CUBN: variants seen among roughly 807,000 people sequenced by gnomAD.
CUBN encodes the protein 460 kDa receptor.
A neutral mutation model predicts 405.3 loss-of-function variants in CUBN; 282 were observed. That is an observed-to-expected ratio of 0.70 (90% CI 0.63 to 0.77). CUBN has a LOEUF of 0.77. Among genes scored for constraint, CUBN ranks in the 30% least tolerant of loss-of-function variants. The pLI, the probability that CUBN is intolerant of heterozygous loss-of-function variation, is 0.00. For synonymous variants in CUBN, 1,684 were observed against 1,617.0 expected (o/e 1.04, Z -0.99); for missense variants, 4,514 against 4,475.2 (o/e 1.01, Z -0.25).
At chr10:16,907,070 A>G (rs1369961769) in intron 49 of CUBN, among the ~76,000 whole-genome samples, 3 of 152,324 alleles carry the variant, frequency 2.0e-5, no homozygotes, top group Admixed American at 6.5e-5. Context: ...CAAACCTCCC[A>G]TTTATTTTCA....
chr10:17,117,701 A>G (rs1439295859), intron 6 of CUBN, among the ~76,000 whole-genome samples: 1 of 152,158 alleles, frequency 6.6e-6, no homozygotes, highest in Non-Finnish European at 1.5e-5. Context: ...AAGTCCTGGG[A>G]TTACAGGCGT....
chr10:17,029,521 G>A (rs186331146), intron 27 of CUBN, among the ~76,000 whole-genome samples: 13 of 152,250 alleles, frequency 8.5e-5, no homozygotes, highest in East Asian at 1.9e-4. Context: ...TGCTTAGTAC[G>A]GTGCTAGACT....
At chr10:16,995,786 C>A (rs1833716371) in intron 28 of CUBN, among the ~76,000 whole-genome samples, 1 of 152,078 alleles carries the variant, frequency 6.6e-6, no homozygotes, top group Admixed American at 6.5e-5. Context: ...AAAAGACAAT[C>A]CATATTTTTA....
intron 36 of CUBN, 82 bp downstream of exon 36, chr10:16,947,153 A>C: frequency 7.1e-7 from 1 of 1,406,926 alleles, no homozygotes; most frequent in East Asian, 2.3e-5. Context: ...GTACACTATG[A>C]GTTGCCCATC....
At chr10:17,095,851 A>C (rs1836363012) in intron 14 of CUBN, among the ~76,000 whole-genome samples, 1 of 152,132 alleles carries the variant, frequency 6.6e-6, no homozygotes, top group Non-Finnish European at 1.5e-5. Context: ...CAAGATATGG[A>C]ATCAATCTAA....
chr10:17,069,105 G>A (rs895832275), intron 19 of CUBN, among the ~76,000 whole-genome samples: 4 of 152,128 alleles, frequency 2.6e-5, no homozygotes, highest in East Asian at 1.9e-4. Context: ...GTTCATCCAC[G>A]TTGTAGCATG....
rs1367838432 is a variant in CUBN at position 16,917,039 on chromosome 10, C to T, written c.7001-1009G>A. Among the ~76,000 whole-genome samples the T allele has an allele frequency of 5.3e-5, 8 of 152,076 alleles. No homozygotes were observed. In the South Asian group the frequency reaches 8.3e-4, roughly 16 times the overall value. ...ATCTTGGCCAGGCTGGTCTTGAACTCCTGACCTCGTGATCCACCTGCCTTA... is the reference window on the plus strand; with the variant it reads ...ATCTTGGCCAGGCTGGTCTTGAACTTCTGACCTCGTGATCCACCTGCCTTA... On this transcript the variant is annotated intron_variant, in intron 45 of 66. Transcript: ENST00000377833.
At chr10:17,022,883 G>C (rs1834534916) in intron 27 of CUBN, among the ~76,000 whole-genome samples, 1 of 152,180 alleles carries the variant, frequency 6.6e-6, no homozygotes, top group Non-Finnish European at 1.5e-5. Context: ...CTGAGCCCAG[G>C]CTAAGTCATC....
At chr10:16,829,858 G>A (rs113435118) in intron 65 of CUBN, among the ~76,000 whole-genome samples, 41 of 151,496 alleles carry the variant, frequency 2.7e-4, no homozygotes, top group African/African-American at 9.5e-4. Flanking sequence ...GTCTTGCTCT[G>A]TCGCCCAGGC....
intron 17 of CUBN, among the ~76,000 whole-genome samples, chr10:17,076,100 A>G (rs756246402): frequency 5.3e-5 from 8 of 152,204 alleles, no homozygotes; most frequent in Non-Finnish European, 8.8e-5. Flanking sequence ...CAAGAAGGAA[A>G]AAAAACAGCC....
chr10:17,048,168 G>C (rs911770370), intron 22 of CUBN, among the ~76,000 whole-genome samples: 3 of 152,220 alleles, frequency 2.0e-5, no homozygotes, highest in Non-Finnish European at 4.4e-5. Flanking sequence ...CAAATGAAGA[G>C]GATTGCTACC....
At chr10:16,899,433 C>A (rs1841292011) in intron 53 of CUBN, among the ~76,000 whole-genome samples, 1 of 152,120 alleles carries the variant, frequency 6.6e-6, no homozygotes, top group Admixed American at 6.5e-5. Context: ...CTAATCCGTG[C>A]CATAGAGAGG....
rs566924524 is a variant in CUBN at position 16,887,064 on chromosome 10, A to G, written c.8905+1353T>C. Among the ~76,000 whole-genome samples the G allele has an allele frequency of 2.0e-5, 3 of 152,352 alleles. 1 individual carries two copies. The South Asian group carries it at 6.2e-4, about 32-fold the overall frequency. On this transcript the variant is annotated intron_variant, in intron 56 of 66. Transcript: ENST00000377833. ...TGGCCTCCCAAAGTGCTGGGATTAT[A>G]GGCGTGAGCCACCGTGCCCAGCCTA...
intron 51 of CUBN, among the ~76,000 whole-genome samples, chr10:16,902,227 GTATA>G (rs1203012335): frequency 2.4e-5 from 3 of 124,774 alleles, no homozygotes; most frequent in African/African-American, 9.3e-5. Flanking sequence ...GTATATATAT[GTATA>G]TATATACTAT....
Position 17,109,746 on chromosome 10 carries a change from C to T in CUBN, c.1016-11G>A. 1 of 1,606,644 alleles carries T rather than the reference C, an allele frequency of 6.2e-7. No individual in the cohort carries two copies. Among genetic ancestry groups the T allele is most frequent in the South Asian group, 1.1e-5 (1 of 90,890 alleles). On this transcript the variant is annotated splice_polypyrimidine_tract_variant and intron_variant, in intron 9 of 66. Transcript: ENST00000377833. ...CGTCACCCTGGTACCCTGATGAGAACAAGAGCCAGGTCATAAGAAACAATG... is the reference window on the plus strand; with the variant it reads ...CGTCACCCTGGTACCCTGATGAGAATAAGAGCCAGGTCATAAGAAACAATG...
intron 36 of CUBN, among the ~76,000 whole-genome samples, chr10:16,941,417 A>G (rs116212540): frequency 6.6e-6 from 1 of 152,242 alleles, no homozygotes; most frequent in Non-Finnish European, 1.5e-5. Flanking sequence ...CCTAGAAGAA[A>G]ACACGGAGAA....
chr10:16,876,519 A>G (rs563149061), intron 57 of CUBN, among the ~76,000 whole-genome samples: 55 of 152,288 alleles, frequency 3.6e-4, no homozygotes, highest in African/African-American at 1.3e-3. Context: ...AATATATAAA[A>G]TATTAATTTT....
intron 7 of CUBN, among the ~76,000 whole-genome samples, chr10:17,114,529 T>C (rs1019115739): frequency 3.3e-5 from 5 of 152,230 alleles, no homozygotes; most frequent in African/African-American, 1.2e-4. Context: ...GGCACAGACC[T>C]TGGAAAATCA....
intron 40 of CUBN, among the ~76,000 whole-genome samples, chr10:16,930,990 C>G (rs1842346973): frequency 6.6e-6 from 1 of 151,970 alleles, no homozygotes; most frequent in South Asian, 2.1e-4. Flanking sequence ...GGTGTGGTGG[C>G]TCACACCTGT....
Sources: gnomAD v4.1 joint callset for allele counts (sites outside exome capture counted in the v4.1 genomes callset) on GRCh38, gnomAD v4.1.1 for gene constraint, MANE v1.5 for transcripts, NCBI Gene and HGNC (gene_info 2026-07-23, HGNC 2026-07-21) for gene names.